SLC25A34: variants seen among roughly 807,000 people sequenced by gnomAD.
SLC25A34 encodes the protein solute carrier family 25 member 34, also known as solute carrier family 25, member 34.
SLC25A34 carries 26 observed loss-of-function variants against 28.1 expected under a neutral mutation model. The ratio of observed to expected loss-of-function variants is 0.93; its 90% CI spans 0.68 to 1.28. The LOEUF (loss-of-function observed/expected upper bound fraction) is 1.28. SLC25A34 is among the 50% of genes most tolerant of loss of function. The probability of loss-of-function intolerance (pLI) is 0.00; values close to 1 mark genes in which losing one functional copy is unlikely to be tolerated. For missense variants in SLC25A34, 384 were observed against 409.8 expected (o/e 0.94, Z 0.54); for synonymous variants, 182 against 182.2 (o/e 1.00, Z 0.01).
chr1:15,738,769 G>T, intron 4 of SLC25A34, 41 bp downstream of exon 4: 1 of 1,483,758 alleles, frequency 6.7e-7, no homozygotes, highest in South Asian at 1.4e-5. Flanking sequence ...GGGGAGCTGG[G>T]AGCACCCCCC....
rs567595945 is a variant in SLC25A34 at position 15,738,618 on chromosome 1, G to A, written c.622G>A (p.Val208Met). Residue 208 changes from valine (V) to methionine (M), a missense_variant, in exon 4 of 5, where the codon GTG becomes ATG. Val to Met is a conservative substitution (Grantham distance 21). Transcript: ENST00000294454. ...GTGGCTCCCTGAGGACAGCTGGCTG[G>A]TGGCCCTGGCTGGGGGCATGATCAG... ...QQWLPEDSWL[V>M]ALAGGMISSI... 4.4e-6 allele frequency: 7 copies of A among 1,607,750 alleles called. No homozygotes were observed. Among genetic ancestry groups the A allele is most frequent in the African/African-American group, 2.7e-5 (2 of 74,702 alleles).
rs2068267164 is a variant in SLC25A34 at position 15,740,221 on chromosome 1, CTCTTA to C, written c.*817_*821del. 1 of 152,040 alleles carries C rather than the reference CTCTTA, an allele frequency of 6.6e-6. No homozygotes were observed. The highest frequency in any genetic ancestry group is 6.6e-5 in the Admixed American group (1 of 15,254). The allele number at this position is 152,040 out of a possible 1,614,324, so 9.4% of individuals were successfully genotyped here. ...TGTGCGTCTGGGTCCTGATCTCCTCCTCTTATAAGGACACAAATCATGTTGGCTTA... is the reference window on the plus strand; with the variant it reads ...TGTGCGTCTGGGTCCTGATCTCCTCCTAAGGACACAAATCATGTTGGCTTA... On this transcript the variant is annotated 3_prime_UTR_variant, in exon 5 of 5. Coordinates refer to ENST00000294454, the MANE Select transcript of SLC25A34 (RefSeq NM_207348.3).
chr1:15,738,260 A>T lies in SLC25A34; in HGVS notation c.597+15A>T. On this transcript the variant is annotated intron_variant, in intron 3 of 4. Coordinates refer to ENST00000294454, the MANE Select transcript of SLC25A34 (RefSeq NM_207348.3). ...AGAAGCAACAGGTGAGGAGCTGGGG[A>T]CACCTGTGCCTATCCACAGAGACAC... 1 of 1,582,834 alleles carries T rather than the reference A, an allele frequency of 6.3e-7. No individual in the cohort carries two copies. The highest frequency in any genetic ancestry group is 8.6e-7 in the Non-Finnish European group (1 of 1,166,030).
Position 15,736,556 on chromosome 1 carries a change from C to T in SLC25A34, c.71C>T (p.Thr24Ile), listed in dbSNP as rs1299653736. The change falls in exon 1 of 5, where the codon ACC becomes ATC. Residue 24 changes from threonine to isoleucine, a missense_variant. Transcript: ENST00000294454. Reference protein sequence around the residue: ...ASACCLACVFTNPLEVVKTRL... With the variant: ...ASACCLACVFINPLEVVKTRL... The stretch of plus-strand genomic sequence containing the variant: ...GCCTGCTGCCTGGCCTGTGTCTTCA[C>T]CAACCCCCTGGAGGTGGTGAAGACG... 2 of 1,464,510 alleles carry T rather than the reference C, an allele frequency of 1.4e-6. No individual in the cohort carries two copies. The highest frequency in any genetic ancestry group is 2.7e-5 in the Admixed American group (1 of 37,400). The allele number at this position is 1,464,510 out of a possible 1,614,324, so 90.7% of individuals were successfully genotyped here.
At position 15,739,994 on chromosome 1, in the gene SLC25A34, T is replaced by C. The variant is rs1328817934; in HGVS notation, c.*588T>C. The C allele has an allele frequency of 3.3e-5, 5 of 152,232 alleles. No individual in the cohort carries two copies. The highest frequency in any genetic ancestry group is 1.5e-5 in the Non-Finnish European group (1 of 68,060). 9.4% of individuals were successfully genotyped at this position (152,232 alleles called of 1,614,324 possible). ...TGAGGTGCACCAGGAGGCTGTGGCG[T>C]CGTCACCTGCCTTATTTGCTGGAGA... On this transcript the variant is annotated 3_prime_UTR_variant, in exon 5 of 5. Coordinates refer to ENST00000294454, the MANE Select transcript of SLC25A34 (RefSeq NM_207348.3).
In SLC25A34 at chr1:15,739,514, G is replaced by A. The variant is rs2068261015; in HGVS notation, c.*108G>A. ...GGGGCGGGCCATGGGCCCAGGCCCT[G>A]CCAGAGGTCCCGGGAGAGTGTGGAC... On this transcript the variant is annotated 3_prime_UTR_variant, in exon 5 of 5. Coordinates refer to ENST00000294454, the MANE Select transcript of SLC25A34 (RefSeq NM_207348.3). 2 of 1,331,458 alleles carry A rather than the reference G, an allele frequency of 1.5e-6. No individual in the cohort carries two copies. Among genetic ancestry groups the A allele is most frequent in the South Asian group, 1.6e-5 (1 of 62,996 alleles). 82.5% of individuals were successfully genotyped at this position (1,331,458 alleles called of 1,614,324 possible).
intron 1 of SLC25A34, among the ~76,000 whole-genome samples, chr1:15,737,310 T>G (rs2068233995): frequency 6.6e-6 from 1 of 152,214 alleles, no homozygotes; most frequent in South Asian, 2.1e-4. Context: ...GGCTCACGCC[T>G]GTAATCCCAG....
chr1:15,738,781 A>AACACAC (rs71002925), intron 4 of SLC25A34, 53 bp downstream of exon 4: 41 of 1,334,216 alleles, frequency 3.1e-5, no homozygotes, highest in Non-Finnish European at 3.9e-5. Context: ...GCACCCCCCC[A>AACACAC]ACACACACAC....
At chr1:15,737,026 C>G in intron 1 of SLC25A34, 163 bp downstream of exon 1, 1 of 1,040,058 alleles carries the variant, frequency 9.6e-7, no homozygotes, top group Non-Finnish European at 1.3e-6. Flanking sequence ...GGAATCTGCC[C>G]CTTGGCCCAG....
rs1440367607 is a variant in SLC25A34 at position 15,739,290 on chromosome 1, C to A, written c.799C>A (p.Leu267Ile). 6.2e-7 allele frequency: 1 copy of A among 1,612,104 alleles called. No individual in the cohort carries two copies. Among genetic ancestry groups the A allele is most frequent in the South Asian group, 1.1e-5 (1 of 90,926 alleles). The change falls in exon 5 of 5, where the codon CTC becomes ATC. Residue 267 changes from leucine (L) to isoleucine (I), a missense_variant. By Grantham distance (5) the Leu-to-Ile change is conservative (BLOSUM62 2). Transcript: ENST00000294454. Reference protein sequence around the residue: ...KIWRQEGPLALYKGLGPAYLR... With the variant: ...KIWRQEGPLAIYKGLGPAYLR... Reference sequence around the variant, plus strand: ...CTGGCGGCAGGAGGGCCCCCTGGCACTCTACAAGGGCCTGGGCCCCGCCTA... The same window carrying A: ...CTGGCGGCAGGAGGGCCCCCTGGCAATCTACAAGGGCCTGGGCCCCGCCTA...
chr1:15,738,816 ACACT>A (rs2068252871), intron 4 of SLC25A34, 88 bp downstream of exon 4: 1 of 1,390,944 alleles, frequency 7.2e-7, no homozygotes, highest in South Asian at 1.6e-5. Context: ...TCACACACTC[ACACT>A]CACACATGCA....
At position 15,739,593 on chromosome 1, in the gene SLC25A34, A is replaced by G; in HGVS notation, c.*187A>G. ...ACCCAGGTCCAGAGCATCCACTTCA[A>G]GTTACCACCCATTCTGTCTTCCAGA... On this transcript the variant is annotated 3_prime_UTR_variant, in exon 5 of 5. Transcript: ENST00000294454. The G allele has an allele frequency of 1.9e-6, 1 of 537,740 alleles. No individual in the cohort carries two copies. Among genetic ancestry groups the G allele is most frequent in the Non-Finnish European group, 3.1e-6 (1 of 323,794 alleles). 33.3% of individuals were successfully genotyped at this position (537,740 alleles called of 1,614,324 possible).
rs1400910147 is a variant in SLC25A34, at chr1:15,739,442, G to A, written c.*36G>A. The A allele has an allele frequency of 2.0e-6, 3 of 1,486,120 alleles. No individual in the cohort carries two copies. The highest frequency in any genetic ancestry group is 2.7e-6 in the Non-Finnish European group (3 of 1,119,578). The allele number at this position is 1,486,120 out of a possible 1,614,324, so 92.1% of individuals were successfully genotyped here. ...TCACCCCCACGTCCTGACACGGCCG[G>A]CACTTGGCCGGAAGTGAGAGCCTGC... On this transcript the variant is annotated 3_prime_UTR_variant, in exon 5 of 5. Transcript: ENST00000294454.
In SLC25A34 at chr1:15,736,509, G is replaced by A; in HGVS notation, c.24G>A (p.Val8=). 6.9e-7 allele frequency: 1 copy of A among 1,454,720 alleles called. No homozygotes were observed. Among genetic ancestry groups the A allele is most frequent in the South Asian group, 1.5e-5 (1 of 67,852 alleles). The allele number at this position is 1,454,720 out of a possible 1,614,324, so 90.1% of individuals were successfully genotyped here. Reference sequence around the variant, plus strand: ...CCATGGAGACGGTGCCCCCAGCAGTGGACCTGGTGCTGGGTGCTTCTGCCT... The same window carrying A: ...CCATGGAGACGGTGCCCCCAGCAGTAGACCTGGTGCTGGGTGCTTCTGCCT... METVPPA[V]DLVLGASACC... The change falls in exon 1 of 5, where the codon GTG becomes GTA. Residue 8 remains valine, a synonymous_variant. Coordinates refer to ENST00000294454, the MANE Select transcript of SLC25A34 (RefSeq NM_207348.3).
At chr1:15,738,781 A>AACAC (rs71002925) in intron 4 of SLC25A34, 53 bp downstream of exon 4, 126 of 1,334,166 alleles carry the variant, frequency 9.4e-5, no homozygotes, top group African/African-American at 1.2e-4. Flanking sequence ...GCACCCCCCC[A>AACAC]ACACACACAC....
chr1:15,737,560 ACT>A (rs1258662844), intron 1 of SLC25A34, among the ~76,000 whole-genome samples: 2 of 144,216 alleles, frequency 1.4e-5, no homozygotes, highest in East Asian at 2.0e-4. Flanking sequence ...ACACAGCAAG[ACT>A]CTGCCTCAAA....
rs535289553 is a variant in SLC25A34 at position 15,736,370 on chromosome 1, C to T, written c.-116C>T. The T allele has an allele frequency of 6.0e-6, 7 of 1,171,172 alleles. No homozygotes were observed. In the African/African-American group the frequency reaches 1.1e-4, roughly 19 times the overall value. The allele number at this position is 1,171,172 out of a possible 1,614,324, so 72.5% of individuals were successfully genotyped here. Reference sequence around the variant, plus strand: ...CTTACCCTCTAGACATGGCCTCGGTCCCCTGCAAACCCCAGCCCCGTAGCC... The same window carrying T: ...CTTACCCTCTAGACATGGCCTCGGTTCCCTGCAAACCCCAGCCCCGTAGCC... On this transcript the variant is annotated 5_prime_UTR_variant, in exon 1 of 5. Transcript: ENST00000294454.
At chr1:15,738,020 C>T in intron 2 of SLC25A34, 26 bp downstream of exon 2, 1 of 1,613,968 alleles carries the variant, frequency 6.2e-7, no homozygotes, top group Non-Finnish European at 8.5e-7. Context: ...CTCAGAGCTC[C>T]CTGGGGGCAT....
At position 15,739,553 on chromosome 1, in the gene SLC25A34, C is replaced by T; in HGVS notation, c.*147C>T. 2 of 928,140 alleles carry T rather than the reference C, an allele frequency of 2.2e-6. No homozygotes were observed. Among genetic ancestry groups the T allele is most frequent in the East Asian group, 3.1e-5 (1 of 32,034 alleles). The allele number at this position is 928,140 out of a possible 1,614,324, so 57.5% of individuals were successfully genotyped here. ...GAGAGTGTGGACAGCTCTGGTCCATCCAGCCCCTTGGCCCACCCAGGTCCA... is the reference window on the plus strand; with the variant it reads ...GAGAGTGTGGACAGCTCTGGTCCATTCAGCCCCTTGGCCCACCCAGGTCCA... On this transcript the variant is annotated 3_prime_UTR_variant, in exon 5 of 5. Transcript: ENST00000294454.
Sources: gnomAD v4.1 joint callset for allele counts (sites outside exome capture counted in the v4.1 genomes callset) on GRCh38, gnomAD v4.1.1 for gene constraint, MANE v1.5 for transcripts, NCBI Gene and HGNC (gene_info 2026-07-23, HGNC 2026-07-21) for gene names.